The following ZNF609 variants were observed in gnomAD, a reference collection of about 807,000 sequenced individuals.
ZNF609 encodes zinc finger protein 609.
ZNF609 carries 11 observed loss-of-function variants against 109.5 expected under a neutral mutation model. That is an observed-to-expected ratio of 0.10 (90% CI 0.06 to 0.17). The LOEUF is 0.17. ZNF609 is among the 10% of genes least tolerant of loss of function. ZNF609 has a pLI of 1.00. For missense variants in ZNF609, 1,559 were observed against 1,772.4 expected (o/e 0.88, Z 2.16); for synonymous variants, 646 against 662.0 (o/e 0.98, Z 0.37).
chr15:64,489,426 C>T (rs1023314349), intron 1 of ZNF609, among the ~76,000 whole-genome samples: 1 of 151,938 alleles, frequency 6.6e-6, no homozygotes, highest in Admixed American at 6.6e-5. Flanking sequence ...GTGATCCACC[C>T]GCCTCGGCCT....
chr15:64,609,498 CG>C (rs201233257), intron 2 of ZNF609, among the ~76,000 whole-genome samples: 2,367 of 150,460 alleles, frequency 0.016, 68 homozygotes, highest in African/African-American at 0.054. Flanking sequence ...TTTATAGAGA[CG>C]GGGTTTCATC....
At chr15:64,589,085 C>A (rs1474651800) in intron 2 of ZNF609, among the ~76,000 whole-genome samples, 2 of 152,184 alleles carry the variant, frequency 1.3e-5, no homozygotes, top group African/African-American at 2.4e-5. Context: ...CTAGCTAGTT[C>A]CATTTTAGCT....
intron 2 of ZNF609, among the ~76,000 whole-genome samples, chr15:64,607,828 TTTCTTTCTTTCTTTCTTTC>T (rs1895630976): frequency 6.7e-5 from 1 of 14,860 alleles, no homozygotes; most frequent in South Asian, 9.7e-4. Flanking sequence ...TCTTTCTTTC[TTTCTTTCTTTCTTTCTTTC>T]TTTCTTTCTT....
intron 2 of ZNF609, among the ~76,000 whole-genome samples, chr15:64,518,407 A>G (rs1243037442): frequency 6.6e-6 from 1 of 152,204 alleles, no homozygotes; most frequent in East Asian, 1.9e-4. Flanking sequence ...GTTCACTATG[A>G]CTGGAGGAGG....
At chr15:64,536,882 C>G (rs1403520100) in intron 2 of ZNF609, among the ~76,000 whole-genome samples, 1 of 137,426 alleles carries the variant, frequency 7.3e-6, no homozygotes, top group African/African-American at 2.7e-5. Context: ...TGCACTCCAG[C>G]CTGGGCGACA....
At chr15:64,594,615 G>A (rs1357993666) in intron 2 of ZNF609, among the ~76,000 whole-genome samples, 1 of 151,944 alleles carries the variant, frequency 6.6e-6, no homozygotes, top group Non-Finnish European at 1.5e-5. Flanking sequence ...TGGGATTACA[G>A]GCATGAGCCA....
chr15:64,655,013 A>G (rs1896469794), intron 3 of ZNF609, among the ~76,000 whole-genome samples: 1 of 150,556 alleles, frequency 6.6e-6, no homozygotes. Context: ...GGAGAATGGC[A>G]TGAACCCGGG....
rs150769525 is a variant in ZNF609 at position 64,581,206 on chromosome 15, T to C, written c.748-41621T>C. On this transcript the variant is annotated intron_variant, in intron 2 of 9. Coordinates refer to ENST00000326648, the MANE Select transcript of ZNF609 (RefSeq NM_015042.2). Reference sequence around the variant, plus strand: ...CCTGGCCTAGCCTTCACTTTCTGCTTGTGCAGAGCTTCAAGGTCAACCGGA... The same window carrying C: ...CCTGGCCTAGCCTTCACTTTCTGCTCGTGCAGAGCTTCAAGGTCAACCGGA... Among the ~76,000 whole-genome samples the C allele has an allele frequency of 3.9e-4, 60 of 152,116 alleles. 1 individual carries two copies. The highest frequency in any genetic ancestry group is 6.8e-3 in the Middle Eastern group (2 of 294).
intron 2 of ZNF609, among the ~76,000 whole-genome samples, chr15:64,514,661 G>A (rs1344748499): frequency 6.8e-6 from 1 of 147,748 alleles, no homozygotes; most frequent in African/African-American, 2.5e-5. Flanking sequence ...TTTTTGAGAC[G>A]GAGTCTCACT....
At position 64,560,180 on chromosome 15, in the gene ZNF609, G is replaced by A. The variant is rs917198173; in HGVS notation, c.747+60014G>A. On this transcript the variant is annotated intron_variant, in intron 2 of 9. Transcript: ENST00000326648. ...CCTGCCTCAGCCTCCCGAGTAGCTG[G>A]GACTACAGGTGCATGCCACCACACC... 7.2e-5 allele frequency among the ~76,000 whole-genome samples: 11 copies of A among 152,006 alleles called. No individual in the cohort carries two copies. In the South Asian group the frequency reaches 2.3e-3, roughly 32 times the overall value.
At chr15:64,679,148 C>T (rs1231761569) in intron 6 of ZNF609, among the ~76,000 whole-genome samples, 2 of 152,196 alleles carry the variant, frequency 1.3e-5, no homozygotes, top group African/African-American at 2.4e-5. Context: ...TCTCGGCTCA[C>T]CACAGCCTCC....
intron 1 of ZNF609, among the ~76,000 whole-genome samples, chr15:64,486,965 C>A (rs1407198411): frequency 6.6e-6 from 1 of 152,022 alleles, no homozygotes; most frequent in Non-Finnish European, 1.5e-5. Context: ...TCGAATCATC[C>A]CAATATAGTT....
At chr15:64,646,230 A>G (rs1484600741) in intron 3 of ZNF609, among the ~76,000 whole-genome samples, 1 of 152,224 alleles carries the variant, frequency 6.6e-6, no homozygotes, top group Non-Finnish European at 1.5e-5. Context: ...ACAGTGACTC[A>G]TGCCTCTAAT....
intron 1 of ZNF609, among the ~76,000 whole-genome samples, chr15:64,480,239 C>CA (rs1173238994): frequency 1.3e-5 from 2 of 149,236 alleles, no homozygotes; most frequent in South Asian, 2.1e-4. Context: ...ACTCCATCTC[C>CA]AAAAAAAAGG....
At chr15:64,485,910 C>G (rs1256090272) in intron 1 of ZNF609, among the ~76,000 whole-genome samples, 1 of 152,160 alleles carries the variant, frequency 6.6e-6, no homozygotes, top group East Asian at 1.9e-4. Flanking sequence ...TATAAGCCAT[C>G]TATCTTGTTC....
In ZNF609 at chr15:64,617,262, T is replaced by C. The variant is rs545117463; in HGVS notation, c.748-5565T>C. 4.6e-5 allele frequency among the ~76,000 whole-genome samples: 7 copies of C among 150,818 alleles called. No individual in the cohort carries two copies. In the South Asian group the frequency reaches 1.5e-3, roughly 32 times the overall value. On this transcript the variant is annotated intron_variant, in intron 2 of 9. Transcript: ENST00000326648. ...GTCTCAAACTCCTGGACTCAAACAGTCCTCCCATTTCAGCCTCCCAAAGTG... is the reference window on the plus strand; with the variant it reads ...GTCTCAAACTCCTGGACTCAAACAGCCCTCCCATTTCAGCCTCCCAAAGTG...
At position 64,473,191 on chromosome 15, in the gene ZNF609, C is replaced by CTTTTTTTTTTTTTTT. The variant is rs951319279; in HGVS notation, c.-128+12363_-128+12377dup. Reference sequence around the variant, plus strand: ...TAAAACTTTTGACTCATATTTGGTTCTTTTTTTTTTTTTTTTTTTTTTTTG... The same window carrying CTTTTTTTTTTTTTTT: ...TAAAACTTTTGACTCATATTTGGTTCTTTTTTTTTTTTTTTTTTTTTTTTTTTTTTTTTTTTTTTG... On this transcript the variant is annotated intron_variant, in intron 1 of 9. Coordinates refer to ENST00000326648, the MANE Select transcript of ZNF609 (RefSeq NM_015042.2). Among the ~76,000 whole-genome samples, 30 of 76,074 alleles carry CTTTTTTTTTTTTTTT rather than the reference C, an allele frequency of 3.9e-4. 4 individuals carry two copies. Among genetic ancestry groups the CTTTTTTTTTTTTTTT allele is most frequent in the African/African-American group, 1.7e-3 (26 of 15,368 alleles). 49.9% of individuals were successfully genotyped at this position (76,074 alleles called of 152,430 possible). A position where few individuals can be genotyped will look rare whatever the true frequency, so the allele number is the denominator to read the frequency against.
At chr15:64,641,035 A>C (rs758090128) in intron 3 of ZNF609, among the ~76,000 whole-genome samples, 9 of 152,068 alleles carry the variant, frequency 5.9e-5, no homozygotes, top group Admixed American at 6.6e-5. Context: ...ATCCTGTACT[A>C]GTCCTTTTCC....
chr15:64,556,578 C>T (rs564138215), intron 2 of ZNF609, among the ~76,000 whole-genome samples: 2 of 152,022 alleles, frequency 1.3e-5, no homozygotes, highest in African/African-American at 4.8e-5. Context: ...GATCAGTTTC[C>T]CAACCCTAAT....
Sources: allele counts gnomAD v4.1 joint callset (sites outside exome capture counted in the v4.1 genomes callset), GRCh38; gene constraint gnomAD v4.1.1; transcripts MANE v1.5; gene names NCBI Gene and HGNC (gene_info 2026-07-23, HGNC 2026-07-21).